Variants in NRXN3 observed in about 807,000 individuals in gnomAD.
NRXN3 encodes the protein neurexin III.
A neutral mutation model predicts 137.6 loss-of-function variants in NRXN3; 32 were observed. That is an observed-to-expected ratio of 0.23 (90% CI 0.18 to 0.31). The LOEUF (loss-of-function observed/expected upper bound fraction) is 0.31, where lower values mean the gene tolerates loss of function less well. Ranked by LOEUF, NRXN3 falls within the 10% of genes least tolerant of loss-of-function variation. The pLI, the probability that NRXN3 is intolerant of heterozygous loss-of-function variation, is 1.00. For synonymous variants in NRXN3, 798 were observed against 784.5 expected, an observed-to-expected ratio of 1.02 and a Z score of -0.29; for missense variants, 1,574 against 2,062.5, an observed-to-expected ratio of 0.76 and a Z score of 4.59.
At chr14:78,263,873 T>TTGTGTGTGTGTG (rs3059009) in intron 2 of NRXN3, among the ~76,000 whole-genome samples, 1 of 135,584 alleles carries the variant, frequency 7.4e-6, no homozygotes, top group Non-Finnish European at 1.6e-5. Flanking sequence ...CAGTTCTATT[T>TTGTGTGTGTGTG]TGTGTGTGTG....
At chr14:78,211,171 C>T (rs1418957251) in intron 1 of NRXN3, among the ~76,000 whole-genome samples, 1 of 152,180 alleles carries the variant, frequency 6.6e-6, no homozygotes, top group East Asian at 1.9e-4. Context: ...TCCTGAGGCA[C>T]AGAAAAGTTG....
chr14:78,627,630 C>T (rs1477066918), intron 4 of NRXN3, among the ~76,000 whole-genome samples: 2 of 152,136 alleles, frequency 1.3e-5, no homozygotes, highest in African/African-American at 2.4e-5. Flanking sequence ...AAGTTGTCCC[C>T]TGTTAATATA....
chr14:79,234,315 TATATATATA>T (rs1348327336), intron 15 of NRXN3, among the ~76,000 whole-genome samples: 1 of 116,786 alleles, frequency 8.6e-6, no homozygotes, highest in African/African-American at 3.5e-5. Flanking sequence ...TATATATATA[TATATATATA>T]TATATATATA....
intron 15 of NRXN3, among the ~76,000 whole-genome samples, chr14:79,130,215 G>A (rs10146410): frequency 0.038 from 5,715 of 151,458 alleles, 350 homozygotes; most frequent in African/African-American, 0.13. Flanking sequence ...ATTTGATCCT[G>A]TCATTATGAT....
At chr14:79,509,672 G>A (rs184282769) in intron 16 of NRXN3, among the ~76,000 whole-genome samples, 2 of 151,822 alleles carry the variant, frequency 1.3e-5, no homozygotes, top group Non-Finnish European at 1.5e-5. Context: ...AGTGATAGAT[G>A]TATTAATTAG....
chr14:79,389,243 G>A (rs538162226), intron 15 of NRXN3, among the ~76,000 whole-genome samples: 39 of 152,176 alleles, frequency 2.6e-4, no homozygotes, highest in Admixed American at 4.6e-4. Flanking sequence ...AGTTCTAGAG[G>A]CTGAGAAGTC....
intron 6 of NRXN3, among the ~76,000 whole-genome samples, chr14:78,676,722 T>C (rs2098011662): frequency 6.6e-6 from 1 of 152,144 alleles, no homozygotes; most frequent in African/African-American, 2.4e-5. Context: ...TCTAGGACTT[T>C]CATAGCTGGA....
intron 10 of NRXN3, among the ~76,000 whole-genome samples, chr14:78,837,677 GTTC>G (rs899981143): frequency 3.2e-4 from 48 of 152,206 alleles, no homozygotes; most frequent in African/African-American, 1.1e-3. Context: ...TCGCCTGTGG[GTTC>G]TTCTGGTCTC....
chr14:78,193,013 T>TA (rs1014251315), intron 1 of NRXN3, among the ~76,000 whole-genome samples: 39 of 152,290 alleles, frequency 2.6e-4, no homozygotes, highest in African/African-American at 9.1e-4. Context: ...CTGTTTGGCT[T>TA]GGGACCCCAG....
intron 15 of NRXN3, among the ~76,000 whole-genome samples, chr14:79,039,121 G>A (rs769109845): frequency 2.4e-4 from 36 of 152,088 alleles, no homozygotes; most frequent in Non-Finnish European, 4.1e-4. Context: ...TCTTAGGAGA[G>A]GCCCCAGAAT....
At chr14:78,190,652 T>TTTACTTACTTAC (rs200502082) in intron 1 of NRXN3, among the ~76,000 whole-genome samples, 1 of 67,468 alleles carries the variant, frequency 1.5e-5, no homozygotes, top group African/African-American at 6.6e-5. Flanking sequence ...TATTTATTTA[T>TTTACTTACTTAC]TTACTTACTT....
At chr14:79,636,504 C>G (rs2098404466) in intron 16 of NRXN3, among the ~76,000 whole-genome samples, 1 of 152,120 alleles carries the variant, frequency 6.6e-6, no homozygotes, top group Admixed American at 6.5e-5. Context: ...TTTAGGTTGG[C>G]CTCTGATGAA....
At chr14:79,196,510 T>C (rs2065148058) in intron 15 of NRXN3, among the ~76,000 whole-genome samples, 1 of 152,182 alleles carries the variant, frequency 6.6e-6, no homozygotes, top group Non-Finnish European at 1.5e-5. Flanking sequence ...AATCACCTTT[T>C]AAAGGTCCCA....
At chr14:79,149,413 C>T (rs1215579351) in intron 15 of NRXN3, among the ~76,000 whole-genome samples, 3 of 151,648 alleles carry the variant, frequency 2.0e-5, no homozygotes, top group East Asian at 3.9e-4. Flanking sequence ...GGGACTCTGA[C>T]TTATTATTTG....
intron 4 of NRXN3, among the ~76,000 whole-genome samples, chr14:78,620,936 C>A (rs1453032059): frequency 2.0e-5 from 3 of 152,132 alleles, no homozygotes; most frequent in Non-Finnish European, 4.4e-5. Context: ...TTAAGAGTCT[C>A]CAGAATTTGA....
At chr14:78,689,697 T>C (rs1030292980) in intron 6 of NRXN3, among the ~76,000 whole-genome samples, 5 of 152,156 alleles carry the variant, frequency 3.3e-5, no homozygotes, top group Non-Finnish European at 7.4e-5. Flanking sequence ...AATATCTTAA[T>C]ATCAAATGAA....
At chr14:79,130,975 T>A (rs2152959936) in intron 15 of NRXN3, among the ~76,000 whole-genome samples, 1 of 152,348 alleles carries the variant, frequency 6.6e-6, no homozygotes, top group South Asian at 2.1e-4. Flanking sequence ...TCGCATCGGC[T>A]CCTGAGGCTT....
intron 10 of NRXN3, among the ~76,000 whole-genome samples, chr14:78,950,739 T>C (rs1172069492): frequency 6.6e-6 from 1 of 152,126 alleles, no homozygotes; most frequent in East Asian, 1.9e-4. Context: ...CAATAGATAG[T>C]TGTGGCCTGA....
At chr14:78,506,643 G>GTTTTTTTTT (rs71131653) in intron 4 of NRXN3, among the ~76,000 whole-genome samples, 1 of 105,362 alleles carries the variant, frequency 9.5e-6, no homozygotes, top group African/African-American at 3.6e-5. Flanking sequence ...TCTCATTGTA[G>GTTTTTTTTT]TTTTTTTTTT....
Sources: gnomAD v4.1 joint callset for allele counts (sites outside exome capture counted in the v4.1 genomes callset) on GRCh38, gnomAD v4.1.1 for gene constraint, MANE v1.5 for transcripts, NCBI Gene and HGNC (gene_info 2026-07-23, HGNC 2026-07-21) for gene names.